The following PCDH9 variants were observed in gnomAD, a reference collection of about 807,000 sequenced individuals.
PCDH9 encodes protocadherin 9.
PCDH9 carries 24 observed loss-of-function variants against 70.6 expected under a neutral mutation model. The observed-to-expected ratio is 0.34, with a 90% CI of 0.25 to 0.48. The LOEUF (loss-of-function observed/expected upper bound fraction) is 0.48. Among genes scored for constraint, PCDH9 ranks in the 20% least tolerant of loss-of-function variants. PCDH9 has a pLI of 0.99. For missense variants in PCDH9, 1,281 were observed against 1,503.6 expected, an observed-to-expected ratio of 0.85 and a Z score of 2.45; for synonymous variants, 562 against 558.5, an observed-to-expected ratio of 1.01 and a Z score of -0.09.
chr13:66,831,820 C>G (rs183152060), intron 3 of PCDH9, among the ~76,000 whole-genome samples: 53 of 151,920 alleles, frequency 3.5e-4, no homozygotes, highest in Admixed American at 8.5e-4. Flanking sequence ...TGGATTTTAC[C>G]CTAGTATAAG....
chr13:66,632,831 T>A (rs2077588975), intron 3 of PCDH9, among the ~76,000 whole-genome samples: 1 of 151,868 alleles, frequency 6.6e-6, no homozygotes, highest in South Asian at 2.1e-4. Flanking sequence ...CCACTTAAAT[T>A]CAGAATTAAT....
chr13:67,103,486 A>G (rs564488049), intron 2 of PCDH9, among the ~76,000 whole-genome samples: 174 of 152,356 alleles, frequency 1.1e-3, no homozygotes, highest in African/African-American at 4.0e-3. Context: ...GGTGACAAAT[A>G]TGCAGCATTG....
chr13:66,321,682 G>A (rs1412349065), intron 4 of PCDH9, among the ~76,000 whole-genome samples: 1 of 151,888 alleles, frequency 6.6e-6, no homozygotes, highest in Non-Finnish European at 1.5e-5. Flanking sequence ...AACATACAGA[G>A]CATTTATTTA....
intron 3 of PCDH9, among the ~76,000 whole-genome samples, chr13:66,697,766 A>G (rs1196438251): frequency 6.6e-6 from 1 of 152,164 alleles, no homozygotes; most frequent in African/African-American, 2.4e-5. Context: ...CAGCAATTCC[A>G]CCTCTGGGTA....
At chr13:66,602,766 A>G (rs891596311) in intron 4 of PCDH9, among the ~76,000 whole-genome samples, 1 of 145,748 alleles carries the variant, frequency 6.9e-6, no homozygotes, top group African/African-American at 2.5e-5. Flanking sequence ...CCATTCACTC[A>G]CTGACTCACC....
Position 66,472,211 on chromosome 13 carries a change from C to CAA in PCDH9, c.3340+158997_3340+158998dup, listed in dbSNP as rs34935198. 3.3e-3 allele frequency among the ~76,000 whole-genome samples: 369 copies of CAA among 112,282 alleles called. 1 individual carries two copies. Among genetic ancestry groups the CAA allele is most frequent in the East Asian group, 5.6e-3 (21 of 3,776 alleles). 73.7% of individuals were successfully genotyped at this position (112,282 alleles called of 152,430 possible). On this transcript the variant is annotated intron_variant, in intron 4 of 4. Coordinates refer to ENST00000377865, the MANE Select transcript of PCDH9 (RefSeq NM_203487.3). ...TGGGTGACAGAGCAAGACTCCATCT[C>CAA]AAAAAAAAAAAAAAAAGAAAAAAGA...
In PCDH9 at chr13:66,452,772, T is replaced by C. The variant is rs1025570838; in HGVS notation, c.3341-147744A>G. ...CATATTAGTGGCCCCTGAGAAGCTC[T>C]ATACATTCGTCTTGATTATACAGGC... On this transcript the variant is annotated intron_variant, in intron 4 of 4. Transcript: ENST00000377865. Among the ~76,000 whole-genome samples, 5 of 152,186 alleles carry C rather than the reference T, an allele frequency of 3.3e-5. No homozygotes were observed. The East Asian group carries it at 5.8e-4, about 18-fold the overall frequency.
chr13:66,365,590 C>A (rs1831972), intron 4 of PCDH9, among the ~76,000 whole-genome samples: 67,315 of 151,998 alleles, frequency 0.44, 16,288 homozygotes, highest in East Asian at 0.62. Flanking sequence ...TTTTGTCTTT[C>A]TTGCACTCTG....
chr13:66,543,395 T>G (rs1444693880), intron 4 of PCDH9, among the ~76,000 whole-genome samples: 1 of 151,704 alleles, frequency 6.6e-6, no homozygotes, highest in Non-Finnish European at 1.5e-5. Context: ...ATGGTGAAAC[T>G]CCCTACTAAA....
At chr13:66,476,121 C>G (rs532643883) in intron 4 of PCDH9, among the ~76,000 whole-genome samples, 6 of 151,976 alleles carry the variant, frequency 3.9e-5, no homozygotes, top group Non-Finnish European at 7.4e-5. Flanking sequence ...AAGACAAATG[C>G]CCTAGAATCA....
intron 4 of PCDH9, among the ~76,000 whole-genome samples, chr13:66,435,869 A>C (rs1039701968): frequency 1.3e-5 from 2 of 152,070 alleles, no homozygotes; most frequent in Admixed American, 6.6e-5. Flanking sequence ...CTTGGAGAAG[A>C]AAGTTATTTT....
chr13:67,036,621 A>C (rs1001910961), intron 2 of PCDH9, among the ~76,000 whole-genome samples: 1 of 152,194 alleles, frequency 6.6e-6, no homozygotes, highest in Admixed American at 6.5e-5. Flanking sequence ...AATTAAAGGC[A>C]ATGTTATTTG....
intron 3 of PCDH9, among the ~76,000 whole-genome samples, chr13:66,777,848 C>A (rs546337767): frequency 1.3e-3 from 196 of 152,186 alleles, no homozygotes; most frequent in African/African-American, 4.4e-3. Context: ...TTTCTTGCGG[C>A]ACTATTCACA....
chr13:66,700,607 G>C (rs2139105262), intron 3 of PCDH9, among the ~76,000 whole-genome samples: 1 of 152,218 alleles, frequency 6.6e-6, no homozygotes, highest in Non-Finnish European at 1.5e-5. Flanking sequence ...AGGCCAGCTT[G>C]AAAATACTGG....
At chr13:66,734,377 T>C (rs2079116954) in intron 3 of PCDH9, among the ~76,000 whole-genome samples, 1 of 152,180 alleles carries the variant, frequency 6.6e-6, no homozygotes, top group Admixed American at 6.6e-5. Context: ...ATTTCTTCCT[T>C]TGACTAATTT....
In PCDH9 at chr13:66,788,109, A is replaced by G. The variant is rs555394276; in HGVS notation, c.3138+115395T>C. On this transcript the variant is annotated intron_variant, in intron 3 of 4. Coordinates refer to ENST00000377865, the MANE Select transcript of PCDH9 (RefSeq NM_203487.3). ...CAAATACCTTGGGTTAGATAATTAT[A>G]AACACCATAATTTATTTCTTCACAA... 3.9e-5 allele frequency among the ~76,000 whole-genome samples: 6 copies of G among 152,256 alleles called. No homozygotes were observed. In the East Asian group the frequency reaches 1.2e-3, roughly 29 times the overall value.
At chr13:66,939,436 G>A (rs934375275) in intron 2 of PCDH9, among the ~76,000 whole-genome samples, 1 of 150,794 alleles carries the variant, frequency 6.6e-6, no homozygotes. Flanking sequence ...GTGTGTGTGT[G>A]TGTGTGTGTG....
intron 4 of PCDH9, among the ~76,000 whole-genome samples, chr13:66,450,175 T>C (rs1337866035): frequency 6.6e-6 from 1 of 152,198 alleles, no homozygotes; most frequent in African/African-American, 2.4e-5. Context: ...TCTTTCAATA[T>C]TGTATAAAAT....
intron 3 of PCDH9, among the ~76,000 whole-genome samples, chr13:66,744,856 T>A (rs1167388672): frequency 1.3e-5 from 2 of 152,158 alleles, no homozygotes; most frequent in Non-Finnish European, 2.9e-5. Context: ...TTACTGACTA[T>A]TTCCTCACCT....
Sources: gnomAD v4.1 joint callset for allele counts (sites outside exome capture counted in the v4.1 genomes callset) on GRCh38, gnomAD v4.1.1 for gene constraint, MANE v1.5 for transcripts, NCBI Gene and HGNC (gene_info 2026-07-23, HGNC 2026-07-21) for gene names.